Variants in LCOR observed in about 807,000 individuals in gnomAD.
The protein encoded by LCOR is ligand dependent nuclear receptor corepressor.
LCOR carries 14 observed loss-of-function variants against 64.4 expected under a neutral mutation model. The observed-to-expected ratio is 0.22, with a 90% confidence interval of 0.14 to 0.34. LCOR has a LOEUF of 0.34. Ranked by LOEUF, LCOR falls within the 10% of genes least tolerant of loss-of-function variation. The pLI is 1.00. For missense variants in LCOR, 1,686 were observed against 1,765.3 expected (o/e 0.96, Z 0.80); for synonymous variants, 643 against 642.5 (o/e 1.00, Z -0.01).
Position 96,983,938 on chromosome 10 carries a change from A to C in LCOR, c.3478A>C (p.Ser1160Arg). Residue 1160 changes from serine to arginine, a missense_variant, in exon 8 of 8, where the codon AGT (serine) becomes CGT (arginine). Coordinates refer to ENST00000421806, the MANE Select transcript of LCOR (RefSeq NM_001346516.2). This position sits in a 1 kb window ranked among gnomAD's most constrained non-coding sequence, Gnocchi z 4.5. ...CAAGAAAAGGTCACGGAAATGTAGG[A>C]GTTCATTGGAGAGTCAGAAGTGTTC... ...KSKKRSRKCR[S>R]SLESQKCSPV... is the part of the protein sequence containing the mutation. 1.2e-6 allele frequency: 2 copies of C among 1,614,214 alleles called. No individual in the cohort carries two copies. Among genetic ancestry groups the C allele is most frequent in the Non-Finnish European group, 1.7e-6 (2 of 1,180,032 alleles).
intron 4 of LCOR, among the ~76,000 whole-genome samples, chr10:96,914,094 C>T (rs1846895151): frequency 6.6e-6 from 1 of 152,170 alleles, no homozygotes; most frequent in Non-Finnish European, 1.5e-5. Flanking sequence ...GTAACTAGAT[C>T]TTTTTCATTG....
intron 2 of LCOR, among the ~76,000 whole-genome samples, chr10:96,903,247 C>T (rs1044698942): frequency 6.6e-6 from 1 of 152,110 alleles, no homozygotes; most frequent in African/African-American, 2.4e-5. Flanking sequence ...AAATACTGTA[C>T]ACTTAGGCTA....
In LCOR at chr10:96,991,359, A is replaced by G. The variant is rs1370053284; in HGVS notation, c.*6225A>G. 1 of 152,190 alleles carries G rather than the reference A, an allele frequency of 6.6e-6. No individual in the cohort carries two copies. Among genetic ancestry groups the G allele is most frequent in the Non-Finnish European group, 1.5e-5 (1 of 68,044 alleles). The allele number at this position is 152,190 out of a possible 1,614,324, so 9.4% of individuals were successfully genotyped here. A position where few individuals can be genotyped will look rare whatever the true frequency, so the allele number is the denominator to read the frequency against. Reference sequence around the variant, plus strand: ...AGTTGTGGGCCATGTGATCATATCTATTAGGGTATGTAGTGAAAACTAAAA... The same window carrying G: ...AGTTGTGGGCCATGTGATCATATCTGTTAGGGTATGTAGTGAAAACTAAAA... On this transcript the variant is annotated 3_prime_UTR_variant, in exon 8 of 8. Transcript: ENST00000421806.
At chr10:96,875,668 C>T (rs1028992092) in intron 2 of LCOR, among the ~76,000 whole-genome samples, 1 of 152,004 alleles carries the variant, frequency 6.6e-6, no homozygotes, top group Non-Finnish European at 1.5e-5. Flanking sequence ...TAGAGACCAA[C>T]CTGGGCAACG....
chr10:96,967,145 T>C (rs941655065), intron 7 of LCOR, among the ~76,000 whole-genome samples: 5 of 152,226 alleles, frequency 3.3e-5, no homozygotes, highest in African/African-American at 1.2e-4. Flanking sequence ...TTGATATTTT[T>C]TTGAAATAGA....
At chr10:96,934,312 C>G (rs1847311569) in intron 4 of LCOR, among the ~76,000 whole-genome samples, 1 of 152,162 alleles carries the variant, frequency 6.6e-6, no homozygotes, top group Admixed American at 6.5e-5. Flanking sequence ...ATGGTGGTGT[C>G]ACTGTAACAA....
At chr10:96,961,309 A>G (rs1847876014) in intron 7 of LCOR, 1 of 152,120 alleles carries the variant, frequency 6.6e-6, no homozygotes, top group Non-Finnish European at 1.5e-5. Flanking sequence ...AAGAAAAGCT[A>G]AAAAGCAAGC....
At chr10:96,963,893 AT>A (rs774983336) in intron 7 of LCOR, 1 of 152,214 alleles carries the variant, frequency 6.6e-6, no homozygotes, top group Non-Finnish European at 1.5e-5. Context: ...TATCTTTCAG[AT>A]TTCTAGAAGT....
At chr10:96,899,779 C>T (rs1846602135) in intron 2 of LCOR, among the ~76,000 whole-genome samples, 1 of 152,008 alleles carries the variant, frequency 6.6e-6, no homozygotes, top group Non-Finnish European at 1.5e-5. Flanking sequence ...AAAATTTCGG[C>T]TTAAAATCAT....
At chr10:96,939,038 C>G (rs942209654) in intron 4 of LCOR, among the ~76,000 whole-genome samples, 9 of 152,136 alleles carry the variant, frequency 5.9e-5, no homozygotes, top group Non-Finnish European at 1.2e-4. Context: ...ATTTAAGAGA[C>G]TTCAAATAGT....
At chr10:96,953,690 G>A (rs1481864377) in intron 7 of LCOR, among the ~76,000 whole-genome samples, 1 of 152,198 alleles carries the variant, frequency 6.6e-6, no homozygotes, top group Non-Finnish European at 1.5e-5. Context: ...TGTATTATAT[G>A]GTTGAAGTTG....
In LCOR at chr10:96,983,136, C is replaced by T. The variant is rs769156193; in HGVS notation, c.2676C>T (p.Pro892=). ...AAAAGCCAAGTGTCAATGAACGCCC[C>T]TCTGAGAAAGATGCTGAGCAGGAGG... The part of the protein sequence containing the change: ...DTEKPSVNER[P]SEKDAEQEGE... Residue 892 remains proline (P), a synonymous_variant, in exon 8 of 8, where the codon CCC becomes CCT. Coordinates refer to ENST00000421806, the MANE Select transcript of LCOR (RefSeq NM_001346516.2). This position sits in a 1 kb window ranked among gnomAD's most constrained non-coding sequence, Gnocchi z 4.5. 6.2e-7 allele frequency: 1 copy of T among 1,613,880 alleles called. No homozygotes were observed. Among genetic ancestry groups the T allele is most frequent in the Non-Finnish European group, 8.5e-7 (1 of 1,179,882 alleles).
chr10:96,901,853 T>C (rs895091422), intron 2 of LCOR, among the ~76,000 whole-genome samples: 3 of 152,158 alleles, frequency 2.0e-5, no homozygotes, highest in African/African-American at 7.2e-5. Flanking sequence ...CACTGCACCT[T>C]ACACCTCCTG....
intron 7 of LCOR, chr10:96,958,568 A>T (rs2134539612): frequency 1.5e-6 from 1 of 647,006 alleles, no homozygotes; most frequent in Non-Finnish European, 2.8e-6. Context: ...AAGTGAATTT[A>T]AAAAACAAAC....
At position 96,984,866 on chromosome 10, in the gene LCOR, C is replaced by T; in HGVS notation, c.4406C>T (p.Pro1469Leu). The change falls in exon 8 of 8, where the codon CCT becomes CTT. Residue 1469 changes from proline to leucine, a missense_variant. Transcript: ENST00000421806. ...IPKKSAGKSCPPSRKEKENTN... is the reference protein window; with the variant it reads ...IPKKSAGKSCLPSRKEKENTN... ...AAAAAGTCCGCTGGGAAGAGCTGCCCTCCCTCCAGGAAAGAAAAAGAGAAT... is the reference window on the plus strand; with the variant it reads ...AAAAAGTCCGCTGGGAAGAGCTGCCTTCCCTCCAGGAAAGAAAAAGAGAAT... 3.1e-6 allele frequency: 5 copies of T among 1,614,060 alleles called. No individual in the cohort carries two copies. The highest frequency in any genetic ancestry group is 4.2e-6 in the Non-Finnish European group (5 of 1,180,014).
chr10:96,953,257 C>A (rs1847712649), intron 7 of LCOR, among the ~76,000 whole-genome samples: 1 of 151,718 alleles, frequency 6.6e-6, no homozygotes, highest in South Asian at 2.1e-4. Flanking sequence ...ATTTATATAT[C>A]AAAAAATACT....
At position 96,982,243 on chromosome 10, in the gene LCOR, C is replaced by T. The variant is rs1293062296; in HGVS notation, c.1783C>T (p.Pro595Ser). The change falls in exon 8 of 8, where the codon CCC becomes TCC. Residue 595 changes from proline to serine, a missense_variant. Coordinates refer to ENST00000421806, the MANE Select transcript of LCOR (RefSeq NM_001346516.2). ...RKEPQEPEVC[P>S]TKIKPNLSSS... Reference sequence around the variant, plus strand: ...AGAACCTCAAGAGCCTGAGGTTTGCCCCACAAAGATTAAGCCGAACCTGAG... The same window carrying T: ...AGAACCTCAAGAGCCTGAGGTTTGCTCCACAAAGATTAAGCCGAACCTGAG... 2 of 1,614,174 alleles carry T rather than the reference C, an allele frequency of 1.2e-6. No individual in the cohort carries two copies. The highest frequency in any genetic ancestry group is 3.3e-5 in the Admixed American group (2 of 60,022).
chr10:96,933,033 TAC>T (rs1263868575), intron 4 of LCOR, among the ~76,000 whole-genome samples: 1 of 152,242 alleles, frequency 6.6e-6, no homozygotes, highest in African/African-American at 2.4e-5. Context: ...CAAATTATGG[TAC>T]ATTTATTAAG....
chr10:96,832,611 C>T (rs1295453467), intron 1 of LCOR, among the ~76,000 whole-genome samples: 3 of 149,646 alleles, frequency 2.0e-5, no homozygotes, highest in Non-Finnish European at 4.5e-5. Context: ...CCGGCCCCTC[C>T]CCTCCGCGCG....
Sources: gnomAD v4.1 joint callset for allele counts (sites outside exome capture counted in the v4.1 genomes callset) on GRCh38, gnomAD v4.1.1 for gene constraint, Gnocchi (gnomAD v3.1) non-coding constraint, MANE v1.5 for transcripts, NCBI Gene and HGNC (gene_info 2026-07-23, HGNC 2026-07-21) for gene names.